Variants in FBXL17 observed in about 807,000 individuals in gnomAD.
The protein encoded by FBXL17 is F-box/LRR-repeat protein 17.
In FBXL17, 22 loss-of-function variants were observed where a neutral mutation model predicts 66.2. The ratio of observed to expected loss-of-function variants is 0.33; its 90% CI spans 0.24 to 0.47. The LOEUF is 0.47. Ranked by LOEUF, FBXL17 falls within the 20% of genes least tolerant of loss-of-function variation. FBXL17 has a pLI of 1.00. For missense variants in FBXL17, 878 were observed against 948.2 expected (o/e 0.93, Z 0.97); for synonymous variants, 474 against 400.5 (o/e 1.18, Z -2.19).
At chr5:108,376,974 T>G (rs1749470316) in intron 1 of FBXL17, among the ~76,000 whole-genome samples, 2 of 152,134 alleles carry the variant, frequency 1.3e-5, no homozygotes, top group Admixed American at 1.3e-4. Flanking sequence ...GGCCCTAAAC[T>G]GTGGAATCTG....
At chr5:107,960,758 A>T (rs1751869425) in intron 7 of FBXL17, among the ~76,000 whole-genome samples, 1 of 152,186 alleles carries the variant, frequency 6.6e-6, no homozygotes, top group Non-Finnish European at 1.5e-5. Flanking sequence ...CTACAACTGA[A>T]AAAAATGCTA....
chr5:107,901,860 G>T (rs73202541), intron 7 of FBXL17, among the ~76,000 whole-genome samples: 1 of 152,202 alleles, frequency 6.6e-6, no homozygotes, highest in African/African-American at 2.4e-5. Context: ...TGCCCTCCGT[G>T]AAAGTGGGGG....
chr5:108,161,643 C>A (rs959726035), intron 6 of FBXL17, among the ~76,000 whole-genome samples: 1 of 152,200 alleles, frequency 6.6e-6, no homozygotes, highest in East Asian at 1.9e-4. Context: ...AATAATGAAT[C>A]AACTCGGGGT....
rs1274045747 is a variant in FBXL17 at position 107,880,593 on chromosome 5, T to C, written c.1965+444A>G. On this transcript the variant is annotated intron_variant, in intron 8 of 8. Transcript: ENST00000542267. Reference sequence around the variant, plus strand: ...GTTGGTCCCGAATGGCCAGAATACATAGATGTTCAGTACCAAAATTACACA... The same window carrying C: ...GTTGGTCCCGAATGGCCAGAATACACAGATGTTCAGTACCAAAATTACACA... 5.6e-6 allele frequency: 6 copies of C among 1,063,882 alleles called. No individual in the cohort carries two copies. The African/African-American group carries it at 6.7e-5, about 12-fold the overall frequency. 65.9% of individuals were successfully genotyped at this position (1,063,882 alleles called of 1,614,324 possible).
chr5:108,264,410 A>T (rs1756963958), intron 4 of FBXL17, among the ~76,000 whole-genome samples: 1 of 151,956 alleles, frequency 6.6e-6, no homozygotes, highest in South Asian at 2.1e-4. Flanking sequence ...GAACCAACAA[A>T]GGAACTAAAT....
intron 6 of FBXL17, among the ~76,000 whole-genome samples, chr5:108,128,644 C>A (rs896127846): frequency 2.0e-5 from 3 of 152,012 alleles, no homozygotes; most frequent in African/African-American, 7.2e-5. Context: ...GATTAAAATA[C>A]CAAATTCAAC....
chr5:107,970,252 G>GC (rs1752318787), intron 7 of FBXL17, among the ~76,000 whole-genome samples: 1 of 152,068 alleles, frequency 6.6e-6, no homozygotes, highest in Non-Finnish European at 1.5e-5. Flanking sequence ...GTTACCAAAC[G>GC]CAAGTTCAAA....
chr5:107,961,609 A>T (rs778687575), intron 7 of FBXL17, among the ~76,000 whole-genome samples: 1 of 152,178 alleles, frequency 6.6e-6, no homozygotes, highest in African/African-American at 2.4e-5. Context: ...AGGACAGAAG[A>T]AGTAGTTACA....
chr5:107,912,481 C>T (rs1749982756), intron 7 of FBXL17, among the ~76,000 whole-genome samples: 2 of 151,868 alleles, frequency 1.3e-5, no homozygotes, highest in Admixed American at 6.6e-5. Flanking sequence ...CACAAAGTGG[C>T]TAAAAGAACA....
At chr5:107,888,145 G>A (rs2112512499) in intron 7 of FBXL17, among the ~76,000 whole-genome samples, 1 of 151,672 alleles carries the variant, frequency 6.6e-6, no homozygotes, top group Non-Finnish European at 1.5e-5. Flanking sequence ...TTCTTTTTTT[G>A]CAATATTTTG....
chr5:108,150,827 AGCT>A (rs1751745181), intron 6 of FBXL17, among the ~76,000 whole-genome samples: 2 of 152,238 alleles, frequency 1.3e-5, no homozygotes, highest in South Asian at 4.1e-4. Context: ...CAACTGATTA[AGCT>A]GCTATCTGCT....
intron 7 of FBXL17, among the ~76,000 whole-genome samples, chr5:107,904,524 G>A (rs1432184269): frequency 2.6e-5 from 4 of 151,990 alleles, no homozygotes; most frequent in African/African-American, 9.7e-5. Context: ...ACTATATCTA[G>A]TTTCTAGTTA....
At chr5:108,079,714 G>A (rs1748692823) in intron 6 of FBXL17, among the ~76,000 whole-genome samples, 1 of 152,188 alleles carries the variant, frequency 6.6e-6, no homozygotes, top group Admixed American at 6.5e-5. Flanking sequence ...TTTTGTGGGT[G>A]CCAGCAATGA....
intron 6 of FBXL17, among the ~76,000 whole-genome samples, chr5:108,156,373 A>G (rs1467994420): frequency 6.6e-6 from 1 of 152,066 alleles, no homozygotes; most frequent in Non-Finnish European, 1.5e-5. Flanking sequence ...TACTCAACAT[A>G]GGAAAAAAAT....
At chr5:108,059,510 G>A (rs557898863) in intron 6 of FBXL17, among the ~76,000 whole-genome samples, 69 of 152,288 alleles carry the variant, frequency 4.5e-4, no homozygotes, top group African/African-American at 1.6e-3. Context: ...AACCCATCTT[G>A]CACAACCTGG....
At chr5:108,279,996 T>C (rs1757639356) in intron 4 of FBXL17, among the ~76,000 whole-genome samples, 1 of 152,100 alleles carries the variant, frequency 6.6e-6, no homozygotes, top group Non-Finnish European at 1.5e-5. Context: ...ACTGAACTTA[T>C]GAATTATTGG....
rs527802196 is a variant in FBXL17 at position 108,065,032 on chromosome 5, C to G, written c.1746-44031G>C. On this transcript the variant is annotated intron_variant, in intron 6 of 8. Coordinates refer to ENST00000542267, the MANE Select transcript of FBXL17 (RefSeq NM_001163315.3). ...GAGAATGAAAATGAAGTCTACCTTT[C>G]TCCCTCTTCTATCCCTAGAAGCTCA... Among the ~76,000 whole-genome samples the G allele has an allele frequency of 3.9e-5, 6 of 152,234 alleles. No homozygotes were observed. The South Asian group carries it at 1.2e-3, about 32-fold the overall frequency.
intron 4 of FBXL17, among the ~76,000 whole-genome samples, chr5:108,306,985 T>TAA (rs902703897): frequency 6.6e-6 from 1 of 152,088 alleles, no homozygotes; most frequent in African/African-American, 2.4e-5. Context: ...CTTCCTCTCT[T>TAA]TTTTATGATA....
At chr5:108,052,593 G>A (rs944207674) in intron 6 of FBXL17, among the ~76,000 whole-genome samples, 5 of 152,144 alleles carry the variant, frequency 3.3e-5, no homozygotes, top group African/African-American at 9.7e-5. Flanking sequence ...TGAATAGGAA[G>A]AATCAATATC....
Sources: allele counts gnomAD v4.1 joint callset (sites outside exome capture counted in the v4.1 genomes callset), GRCh38; gene constraint gnomAD v4.1.1; transcripts MANE v1.5; gene names NCBI Gene and HGNC (gene_info 2026-07-23, HGNC 2026-07-21).